The following CACNA1E variants were observed in gnomAD, a reference collection of about 807,000 sequenced individuals.
The protein encoded by CACNA1E is voltage-dependent R-type calcium channel subunit alpha-1E.
In CACNA1E, 40 loss-of-function variants were observed where a neutral mutation model predicts 259.2. The observed-to-expected ratio is 0.15, with a 90% CI of 0.12 to 0.20. The LOEUF is 0.20. Ranked by LOEUF, CACNA1E falls within the 10% of genes least tolerant of loss-of-function variation. CACNA1E has a pLI of 1.00. For missense variants in CACNA1E, 1,874 were observed against 3,040.1 expected, an observed-to-expected ratio of 0.62 and a Z score of 9.02; for synonymous variants, 1,104 against 1,138.5, an observed-to-expected ratio of 0.97 and a Z score of 0.61.
intron 3 of CACNA1E, among the ~76,000 whole-genome samples, chr1:181,566,612 T>C (rs1323300336): frequency 6.6e-6 from 1 of 152,110 alleles, no homozygotes; most frequent in East Asian, 1.9e-4. Context: ...CTTCTTGAGG[T>C]TAAGGTGAGA....
intron 7 of CACNA1E, among the ~76,000 whole-genome samples, chr1:181,653,646 C>T (rs912843351): frequency 3.3e-5 from 5 of 152,186 alleles, no homozygotes; most frequent in Admixed American, 6.5e-5. Flanking sequence ...GGCTTATAGC[C>T]ACGTCACTGT....
intron 38 of CACNA1E, among the ~76,000 whole-genome samples, chr1:181,780,974 C>A (rs1660376792): frequency 6.6e-6 from 1 of 152,294 alleles, no homozygotes; most frequent in Non-Finnish European, 1.5e-5. Context: ...ATGGCTGGAG[C>A]ACCGTCTATC....
At chr1:181,605,189 A>C (rs1654115278) in intron 6 of CACNA1E, among the ~76,000 whole-genome samples, 1 of 152,162 alleles carries the variant, frequency 6.6e-6, no homozygotes, top group South Asian at 2.1e-4. Flanking sequence ...GAGAGAAAGA[A>C]ATTAGAACAA....
At chr1:181,664,527 G>A (rs997510912) in intron 7 of CACNA1E, among the ~76,000 whole-genome samples, 1 of 152,184 alleles carries the variant, frequency 6.6e-6, no homozygotes, top group Admixed American at 6.5e-5. Context: ...GCCCTGTATT[G>A]ATAACGCTAT....
intron 2 of CACNA1E, among the ~76,000 whole-genome samples, chr1:181,449,923 G>GTGCC (rs113976557): frequency 0.05 from 7,659 of 152,238 alleles, 242 homozygotes; most frequent in African/African-American, 0.08. Context: ...ACATAGGAGG[G>GTGCC]TGCCTATATT....
intron 1 of CACNA1E, among the ~76,000 whole-genome samples, chr1:181,402,793 T>C (rs569617289): frequency 6.6e-6 from 1 of 152,138 alleles, no homozygotes; most frequent in Non-Finnish European, 1.5e-5. Flanking sequence ...ACAGGACTAT[T>C]TGAGGGCCCA....
intron 1 of CACNA1E, among the ~76,000 whole-genome samples, chr1:181,484,953 C>A (rs1445536026): frequency 6.6e-6 from 1 of 152,226 alleles, no homozygotes; most frequent in Non-Finnish European, 1.5e-5. Flanking sequence ...AGCTTCTTTG[C>A]AGGTTTAATC....
chr1:181,622,371 T>C (rs990082607), intron 6 of CACNA1E, among the ~76,000 whole-genome samples: 1 of 152,184 alleles, frequency 6.6e-6, no homozygotes, highest in Non-Finnish European at 1.5e-5. Context: ...GTATATTTGC[T>C]AGGGCTGCCA....
chr1:181,779,361 C>A, intron 38 of CACNA1E: 1 of 321,800 alleles, frequency 3.1e-6, no homozygotes, highest in Admixed American at 3.0e-5. Context: ...CCTCTTTCAG[C>A]CATCCTCTTC....
intron 1 of CACNA1E, among the ~76,000 whole-genome samples, chr1:181,382,747 A>G (rs907642947): frequency 3.3e-5 from 5 of 152,194 alleles, no homozygotes; most frequent in Admixed American, 6.5e-5. Context: ...CGTGTGCTTC[A>G]TAATCAATGT....
At chr1:181,741,110 A>G (rs1656530971) in intron 25 of CACNA1E, among the ~76,000 whole-genome samples, 1 of 152,224 alleles carries the variant, frequency 6.6e-6, no homozygotes, top group South Asian at 2.1e-4. Context: ...TTTGATCTCT[A>G]AAAATCATGT....
chr1:181,483,948 C>A lies in CACNA1E; in HGVS notation c.204C>A (p.Ser68=), dbSNP rs180688979. 16 of 1,613,416 alleles carry A rather than the reference C, an allele frequency of 9.9e-6. No homozygotes were observed. The highest frequency in any genetic ancestry group is 1.3e-5 in the Non-Finnish European group (15 of 1,179,588). The stretch of plus-strand genomic sequence containing the variant: ...AGAACTGTTTCACCGTCAACAGATC[C>A]CTGTTCATCTTCGGAGAAGATAACA... ...VRQNCFTVNR[S]LFIFGEDNIV... Residue 68 remains serine, a synonymous_variant, in exon 1 of 48, where the codon TCC becomes TCA. Transcript: ENST00000367573.
At chr1:181,457,487 C>T (rs534281888) in intron 2 of CACNA1E, among the ~76,000 whole-genome samples, 16 of 152,210 alleles carry the variant, frequency 1.1e-4, no homozygotes, top group South Asian at 6.2e-4. Flanking sequence ...GAGTGACTCC[C>T]GCGTTGGTGA....
At chr1:181,633,357 G>A (rs538602971) in intron 6 of CACNA1E, among the ~76,000 whole-genome samples, 5 of 152,210 alleles carry the variant, frequency 3.3e-5, no homozygotes, top group African/African-American at 1.2e-4. Flanking sequence ...TAGCTTGAGC[G>A]AGTGTTTTAG....
At chr1:181,525,914 G>A (rs1391347445) in intron 3 of CACNA1E, among the ~76,000 whole-genome samples, 6 of 152,234 alleles carry the variant, frequency 3.9e-5, no homozygotes, top group South Asian at 4.1e-4. Context: ...ATGGAAAAAG[G>A]CCAGTTTGGT....
chr1:181,448,574 T>C (rs1035567619), intron 2 of CACNA1E, among the ~76,000 whole-genome samples: 2 of 152,258 alleles, frequency 1.3e-5, no homozygotes, highest in African/African-American at 4.8e-5. Context: ...ATAGTCTGTT[T>C]GAAGTCTGAG....
At chr1:181,384,778 T>C (rs1046982940) in intron 1 of CACNA1E, among the ~76,000 whole-genome samples, 18 of 152,126 alleles carry the variant, frequency 1.2e-4, no homozygotes, top group African/African-American at 4.3e-4. Flanking sequence ...TTAGGAGATA[T>C]ACCTAATGCT....
At chr1:181,793,816 A>G in intron 45 of CACNA1E, 23 bp downstream of exon 45, 1 of 1,608,022 alleles carries the variant, frequency 6.2e-7, no homozygotes, top group Non-Finnish European at 8.5e-7. Flanking sequence ...CACCTACATT[A>G]ATGCAGTGGC....
intron 3 of CACNA1E, among the ~76,000 whole-genome samples, chr1:181,574,697 T>C (rs918658468): frequency 3.3e-5 from 5 of 152,160 alleles, no homozygotes; most frequent in Admixed American, 1.3e-4. Context: ...GAGCACAGAA[T>C]AAGGCTATTT....
Sources: gnomAD v4.1 joint callset for allele counts (sites outside exome capture counted in the v4.1 genomes callset) on GRCh38, gnomAD v4.1.1 for gene constraint, MANE v1.5 for transcripts, NCBI Gene and HGNC (gene_info 2026-07-23, HGNC 2026-07-21) for gene names.